Variants in HORMAD2 observed in about 807,000 individuals in gnomAD.
The protein encoded by HORMAD2 is HORMA domain containing 2.
Under a neutral mutation model 38.8 loss-of-function variants are expected in HORMAD2, and 45 were observed. That is an observed-to-expected ratio of 1.16 (90% CI 0.91 to 1.49). The LOEUF (loss-of-function observed/expected upper bound fraction) is 1.49. Ranked by LOEUF, HORMAD2 falls within the 40% of genes most tolerant of loss-of-function variation. The pLI is 0.00. For missense variants in HORMAD2, 338 were observed against 367.0 expected (o/e 0.92, Z 0.65); for synonymous variants, 126 against 122.8 (o/e 1.03, Z -0.17).
the HORMAD2 span, among the ~76,000 whole-genome samples, chr22:30,201,994 T>C: frequency 2.2e-4 from 33 of 152,326 alleles, 1 homozygote; most frequent in East Asian, 4.4e-3. Flanking sequence ...GCTTTCATGG[T>C]ACACATAATC....
At chr22:30,079,245 A>G (rs1450559838), upstream of HORMAD2, among the ~76,000 whole-genome samples, 1 of 152,162 alleles carries the variant, frequency 6.6e-6, no homozygotes, top group African/African-American at 2.4e-5. Flanking sequence ...AAAGCACCAC[A>G]GGATACGAAA....
At chr22:30,121,599 A>G (rs1922434057) in intron 8 of HORMAD2, 33 bp from the exon 9 acceptor site, 1 of 1,524,170 alleles carries the variant, frequency 6.6e-7, no homozygotes, top group Non-Finnish European at 8.8e-7. Context: ...ACTATTGTAT[A>G]TGATCAAAAA....
At chr22:30,194,526 A>G in the HORMAD2 span, among the ~76,000 whole-genome samples, 1 of 152,206 alleles carries the variant, frequency 6.6e-6, no homozygotes, top group African/African-American at 2.4e-5. Context: ...GTGATTAGAA[A>G]AAGGCCAGAT....
At chr22:30,196,225 C>T in the HORMAD2 span, among the ~76,000 whole-genome samples, 5 of 152,336 alleles carry the variant, frequency 3.3e-5, no homozygotes, top group African/African-American at 1.2e-4. Context: ...GGTTTCCAAA[C>T]CTATAACCCC....
the HORMAD2 span, among the ~76,000 whole-genome samples, chr22:30,196,274 C>G: frequency 6.6e-6 from 1 of 152,222 alleles, no homozygotes; most frequent in South Asian, 2.1e-4. Flanking sequence ...CAGCTTCAGT[C>G]ATGACTCAGG....
chr22:30,157,159 C>T (rs974826308), intron 10 of HORMAD2, among the ~76,000 whole-genome samples: 44 of 152,268 alleles, frequency 2.9e-4, no homozygotes, highest in Admixed American at 2.5e-3. Flanking sequence ...AAAGGGAAAA[C>T]AGCCTCTGTG....
the HORMAD2 span, among the ~76,000 whole-genome samples, chr22:30,201,529 T>A: frequency 1.0e-4 from 15 of 150,408 alleles, no homozygotes. Context: ...GCCATTCTCC[T>A]GCCTCAGCCT....
intron 10 of HORMAD2, among the ~76,000 whole-genome samples, 160 bp downstream of exon 10, chr22:30,122,374 T>C (rs1284399270): frequency 1.3e-5 from 2 of 152,158 alleles, no homozygotes; most frequent in Non-Finnish European, 2.9e-5. Flanking sequence ...AAGTTTAATC[T>C]TCTAAAAGGA....
At chr22:30,133,305 G>A (rs1923412508) in intron 10 of HORMAD2, among the ~76,000 whole-genome samples, 1 of 151,952 alleles carries the variant, frequency 6.6e-6, no homozygotes, top group African/African-American at 2.4e-5. Flanking sequence ...ATCATAAGAG[G>A]AGTAATAATT....
rs34639591 is a variant in HORMAD2, at chr22:30,092,043, ATTTTTTT to A, written c.-37-1861_-37-1855del. On this transcript the variant is annotated intron_variant, in intron 1 of 10. Transcript: ENST00000336726. ...AGGTGCATGCCACCACACCTGGCTAATTTTTTTTTTTTTTTTTTGTATTTTTAGTAAA... is the reference window on the plus strand; with the variant it reads ...AGGTGCATGCCACCACACCTGGCTAATTTTTTTTTTTGTATTTTTAGTAAA... 1.3e-4 allele frequency among the ~76,000 whole-genome samples: 17 copies of A among 135,076 alleles called. No individual in the cohort carries two copies. The Middle Eastern group carries it at 0.015, about 119-fold the overall frequency. The allele number at this position is 135,076 out of a possible 152,430, so 88.6% of individuals were successfully genotyped here. A position where few individuals can be genotyped will look rare whatever the true frequency, so the allele number is the denominator to read the frequency against.
In HORMAD2 at chr22:30,112,528, AAC is replaced by A. The variant is rs1416621000; in HGVS notation, c.342+14_342+15del. On this transcript the variant is annotated splice_region_variant and intron_variant, in intron 7 of 10. Transcript: ENST00000336726. ...CAGATCCCATGGGATCTGAGGTAAG[AAC>A]ACACACAAACGTATAGGTGGGTAGT... The A allele has an allele frequency of 1.5e-6, 2 of 1,299,740 alleles. No homozygotes were observed. Among genetic ancestry groups the A allele is most frequent in the African/African-American group, 1.6e-5 (1 of 63,230 alleles). The allele number at this position is 1,299,740 out of a possible 1,614,324, so 80.5% of individuals were successfully genotyped here.
chr22:30,087,585 AG>A (rs903915027), intron 1 of HORMAD2, among the ~76,000 whole-genome samples: 7 of 152,316 alleles, frequency 4.6e-5, no homozygotes, highest in Admixed American at 3.9e-4. Context: ...ATTGGCTCAC[AG>A]TTCCACAGGC....
At chr22:30,081,530 G>A (rs545415712) in intron 1 of HORMAD2, among the ~76,000 whole-genome samples, 37 of 151,990 alleles carry the variant, frequency 2.4e-4, no homozygotes, top group Non-Finnish European at 4.6e-4. Context: ...GTAATTGGGC[G>A]AACTTTGGCA....
Position 30,176,603 on chromosome 22 carries a change from A to G in HORMAD2, c.*436A>G, listed in dbSNP as rs1299875774. 1.3e-5 allele frequency: 2 copies of G among 156,522 alleles called. No individual in the cohort carries two copies. Among genetic ancestry groups the G allele is most frequent in the African/African-American group, 4.8e-5 (2 of 41,460 alleles). 9.7% of individuals were successfully genotyped at this position (156,522 alleles called of 1,614,324 possible). ...CTCTCTAGCTGTATTAAAAATTCCCACAGAGTTGCATAGGATGTGTGGAGG... is the reference window on the plus strand; with the variant it reads ...CTCTCTAGCTGTATTAAAAATTCCCGCAGAGTTGCATAGGATGTGTGGAGG... On this transcript the variant is annotated 3_prime_UTR_variant, in exon 11 of 11. Transcript: ENST00000336726.
At chr22:30,107,618 C>T (rs1230037910) in intron 5 of HORMAD2, among the ~76,000 whole-genome samples, 1 of 151,882 alleles carries the variant, frequency 6.6e-6, no homozygotes, top group African/African-American at 2.4e-5. Context: ...AGTATGGTGG[C>T]TGGTGCCTAT....
At chr22:30,162,403 G>C (rs1486347378) in intron 10 of HORMAD2, among the ~76,000 whole-genome samples, 1 of 152,016 alleles carries the variant, frequency 6.6e-6, no homozygotes, top group Non-Finnish European at 1.5e-5. Context: ...TTGAGTACTT[G>C]AAATGTGGCT....
At chr22:30,147,706 A>G (rs551576645) in intron 10 of HORMAD2, among the ~76,000 whole-genome samples, 1 of 152,338 alleles carries the variant, frequency 6.6e-6, no homozygotes, top group East Asian at 1.9e-4. Context: ...TAATACCTAT[A>G]TCTGACAAAG....
At chr22:30,190,495 T>G in the HORMAD2 span, among the ~76,000 whole-genome samples, 2 of 152,194 alleles carry the variant, frequency 1.3e-5, no homozygotes, top group African/African-American at 4.8e-5. Flanking sequence ...CACTATGAAG[T>G]CCCCATTGGC....
chr22:30,185,964 A>T, the HORMAD2 span, among the ~76,000 whole-genome samples: 1 of 152,024 alleles, frequency 6.6e-6, no homozygotes, highest in African/African-American at 2.4e-5. Flanking sequence ...TTCCAATAGG[A>T]CATAAGCCTC....
Sources: gnomAD v4.1 joint callset for allele counts (sites outside exome capture counted in the v4.1 genomes callset) on GRCh38, gnomAD v4.1.1 for gene constraint, MANE v1.5 for transcripts, NCBI Gene and HGNC (gene_info 2026-07-23, HGNC 2026-07-21) for gene names.